WDR72: variants seen among roughly 807,000 people sequenced by gnomAD.
WDR72 encodes the protein WD repeat domain 72.
In WDR72, 120 loss-of-function variants were observed where a neutral mutation model predicts 124.2. The ratio of observed to expected loss-of-function variants is 0.97; its 90% CI spans 0.83 to 1.12. WDR72 has a LOEUF of 1.12. Among genes scored for constraint, WDR72 ranks in the 50% most tolerant of loss-of-function variants. The pLI, the probability that WDR72 is intolerant of heterozygous loss-of-function variation, is 0.00. For synonymous variants in WDR72, 452 were observed against 441.7 expected (o/e 1.02, Z -0.29); for missense variants, 1,387 against 1,278.8 (o/e 1.08, Z -1.29).
chr15:53,580,748 A>G (rs1288124257), intron 18 of WDR72, among the ~76,000 whole-genome samples: 4 of 151,850 alleles, frequency 2.6e-5, no homozygotes, highest in Non-Finnish European at 5.9e-5. Flanking sequence ...GTGGCCATGG[A>G]AAAAAAAGAC....
rs2015641720 is a variant in WDR72 at position 53,662,514 on chromosome 15, G to A, written c.1962+3058C>T. On this transcript the variant is annotated intron_variant, in intron 14 of 19. Coordinates refer to ENST00000360509, the MANE Select transcript of WDR72 (RefSeq NM_182758.4). ...TATTGTTGGAGAATATTTCACCTGT[G>A]TCTTACTAAAATCCACACACAAAAA... Among the ~76,000 whole-genome samples, 3 of 152,090 alleles carry A rather than the reference G, an allele frequency of 2.0e-5. No individual in the cohort carries two copies. In the East Asian group the frequency reaches 5.8e-4, roughly 29 times the overall value.
At chr15:53,583,291 T>C (rs937810685) in intron 18 of WDR72, among the ~76,000 whole-genome samples, 3 of 152,212 alleles carry the variant, frequency 2.0e-5, no homozygotes, top group Middle Eastern at 3.4e-3. Context: ...TAACCTGTTG[T>C]ATACGTAGAA....
At chr15:53,553,075 G>T (rs984539642) in intron 18 of WDR72, among the ~76,000 whole-genome samples, 1 of 151,908 alleles carries the variant, frequency 6.6e-6, no homozygotes. Context: ...CTTTCTTTAG[G>T]GTCCTTCCCA....
At chr15:53,728,469 C>A (rs2018107069) in intron 2 of WDR72, among the ~76,000 whole-genome samples, 1 of 152,130 alleles carries the variant, frequency 6.6e-6, no homozygotes, top group Non-Finnish European at 1.5e-5. Context: ...TGTTTAAATC[C>A]CCATTTCACA....
chr15:53,610,537 T>G (rs2013494255), intron 16 of WDR72, among the ~76,000 whole-genome samples: 1 of 151,670 alleles, frequency 6.6e-6, no homozygotes, highest in African/African-American at 2.4e-5. Context: ...TGATACACTT[T>G]TCATCAAATC....
chr15:53,618,628 G>C (rs759006514), intron 14 of WDR72, among the ~76,000 whole-genome samples: 8 of 151,964 alleles, frequency 5.3e-5, no homozygotes, highest in Non-Finnish European at 1.2e-4. Flanking sequence ...GGCTTCCTCT[G>C]ATGCAGTTGA....
intron 12 of WDR72, 150 bp from the exon 13 acceptor site, chr15:53,700,095 T>A: frequency 2.3e-6 from 2 of 874,664 alleles, no homozygotes; most frequent in Non-Finnish European, 3.6e-6. Flanking sequence ...ACCTTTCATG[T>A]AACCCTCTAC....
intron 13 of WDR72, among the ~76,000 whole-genome samples, chr15:53,674,608 T>C (rs690545): frequency 0.55 from 84,148 of 151,920 alleles, 24,390 homozygotes; most frequent in East Asian, 0.8. Context: ...GGGATAAAGG[T>C]ACTTACCTTC....
At chr15:53,700,310 G>T (rs1313056416) in intron 12 of WDR72, among the ~76,000 whole-genome samples, 1 of 152,296 alleles carries the variant, frequency 6.6e-6, no homozygotes, top group Non-Finnish European at 1.5e-5. Flanking sequence ...GAAGCTATTT[G>T]TAGACACAAG....
At chr15:53,686,252 A>G (rs2016619817) in intron 13 of WDR72, among the ~76,000 whole-genome samples, 1 of 152,088 alleles carries the variant, frequency 6.6e-6, no homozygotes, top group Admixed American at 6.6e-5. Flanking sequence ...TCCCATTAAA[A>G]GACACAGACT....
intron 13 of WDR72, among the ~76,000 whole-genome samples, chr15:53,669,645 G>A (rs2015922139): frequency 1.3e-5 from 2 of 151,930 alleles, no homozygotes; most frequent in Non-Finnish European, 2.9e-5. Context: ...CCTTAAATAT[G>A]TCTCCAAAGC....
intron 13 of WDR72, among the ~76,000 whole-genome samples, chr15:53,673,940 G>C (rs148102228): frequency 1.2e-4 from 18 of 152,114 alleles, no homozygotes; most frequent in African/African-American, 4.3e-4. Context: ...TCAGTGACCT[G>C]AGATCGCGCC....
intron 19 of WDR72, among the ~76,000 whole-genome samples, chr15:53,518,535 A>T (rs1392305412): frequency 6.6e-6 from 1 of 152,002 alleles, no homozygotes; most frequent in African/African-American, 2.4e-5. Context: ...CAACTCGAAG[A>T]AAGTGCTTAT....
chr15:53,716,460 A>T (rs1351509328), intron 4 of WDR72, 147 bp downstream of exon 4: 2 of 688,186 alleles, frequency 2.9e-6, no homozygotes, highest in African/African-American at 3.5e-5. Flanking sequence ...AACAGCAGAC[A>T]ATTACTGGTG....
chr15:53,582,967 A>G (rs1164137250), intron 18 of WDR72, among the ~76,000 whole-genome samples: 1 of 152,132 alleles, frequency 6.6e-6, no homozygotes, highest in East Asian at 1.9e-4. Context: ...ATATTCTCCT[A>G]TGGAAAGGCC....
At position 53,638,577 on chromosome 15, in the gene WDR72, ATTCTTTTT is replaced by A. The variant is rs1167695202; in HGVS notation, c.1963-22342_1963-22335del. Among the ~76,000 whole-genome samples, 6 of 129,452 alleles carry A rather than the reference ATTCTTTTT, an allele frequency of 4.6e-5. No homozygotes were observed. The South Asian group carries it at 1.0e-3, about 22-fold the overall frequency. 84.9% of individuals were successfully genotyped at this position (129,452 alleles called of 152,430 possible). A position where few individuals can be genotyped will look rare whatever the true frequency, so the allele number is the denominator to read the frequency against. Reference sequence around the variant, plus strand: ...AGATTTTATATTTTCTCCTAATCACATTCTTTTTTTTTTTTTTTTTTTTGGTACAGACT... The same window carrying A: ...AGATTTTATATTTTCTCCTAATCACATTTTTTTTTTTTTTTGGTACAGACT... On this transcript the variant is annotated intron_variant, in intron 14 of 19. Coordinates refer to ENST00000360509, the MANE Select transcript of WDR72 (RefSeq NM_182758.4).
Position 53,722,870 on chromosome 15 carries a change from C to A in WDR72, c.192G>T (p.Ser64=). Residue 64 remains serine, a synonymous_variant, in exon 3 of 20, where the codon TCG becomes TCT. Transcript: ENST00000360509. ...CCCTTGCTCTTGCCAAACATGTTAC[C>A]GAAGCTGAATGACCAAATAGGAGTT... ...AKELLFGHSA[S]VTCLARARDF... 6.2e-7 allele frequency: 1 copy of A among 1,612,442 alleles called. No homozygotes were observed.
At chr15:53,609,074 T>C (rs1484755138) in intron 17 of WDR72, among the ~76,000 whole-genome samples, 3 of 152,108 alleles carry the variant, frequency 2.0e-5, no homozygotes, top group Non-Finnish European at 2.9e-5. Flanking sequence ...ATGTGATAAT[T>C]AGGCATTGCA....
intron 18 of WDR72, among the ~76,000 whole-genome samples, chr15:53,560,418 G>A (rs915075280): frequency 6.6e-6 from 1 of 151,796 alleles, no homozygotes; most frequent in African/African-American, 2.4e-5. Flanking sequence ...TTGTCCTTAC[G>A]AGCAACTCTT....
Sources: allele counts gnomAD v4.1 joint callset (sites outside exome capture counted in the v4.1 genomes callset), GRCh38; gene constraint gnomAD v4.1.1; transcripts MANE v1.5; gene names NCBI Gene and HGNC (gene_info 2026-07-23, HGNC 2026-07-21).